Variants in PKIB observed in about 807,000 individuals in gnomAD.
The protein encoded by PKIB is cAMP-dependent protein kinase inhibitor beta.
A neutral mutation model predicts 4.5 loss-of-function variants in PKIB; 2 were observed. The ratio of observed to expected loss-of-function variants is 0.44; its 90% CI spans 0.18 to 1.39. The LOEUF (loss-of-function observed/expected upper bound fraction) is 1.39. Among genes scored for constraint, PKIB ranks in the 40% most tolerant of loss-of-function variants. PKIB has a pLI of 0.27. For synonymous variants in PKIB, 38 were observed against 36.0 expected (o/e 1.06, Z -0.20); for missense variants, 94 against 92.6 (o/e 1.02, Z -0.06).
intron 2 of PKIB, among the ~76,000 whole-genome samples, chr6:122,544,384 T>TAA (rs11393404): frequency 7.3e-5 from 11 of 151,042 alleles, no homozygotes; most frequent in Non-Finnish European, 7.4e-5. Context: ...TTTTAAAAAT[T>TAA]AAAAAAAAAT....
At chr6:122,578,724 A>G (rs1773620270) in intron 2 of PKIB, among the ~76,000 whole-genome samples, 2 of 152,130 alleles carry the variant, frequency 1.3e-5, no homozygotes, top group Admixed American at 6.5e-5. Flanking sequence ...TCACTTCCTG[A>G]TATGGCTTGG....
intron 2 of PKIB, among the ~76,000 whole-genome samples, chr6:122,573,560 A>G (rs922202777): frequency 6.6e-6 from 1 of 151,904 alleles, no homozygotes; most frequent in Non-Finnish European, 1.5e-5. Flanking sequence ...AAAAAGAAGA[A>G]AAAAGAGATA....
In PKIB at chr6:122,480,452, A is replaced by G. The variant is rs536567469; in HGVS notation, c.-248+2513A>G. 3.3e-5 allele frequency: 5 copies of G among 152,344 alleles called. No individual in the cohort carries two copies. In the South Asian group the frequency reaches 1.0e-3, roughly 32 times the overall value. The allele number at this position is 152,344 out of a possible 1,614,324, so 9.4% of individuals were successfully genotyped here. Reference sequence around the variant, plus strand: ...TTATGCATGTTTGAGTAATCGATGCATACATATGTAATATTTTAATGTTAG... The same window carrying G: ...TTATGCATGTTTGAGTAATCGATGCGTACATATGTAATATTTTAATGTTAG... On this transcript the variant is annotated intron_variant, in intron 2 of 6. Coordinates refer to the PKIB transcript ENST00000392491.
chr6:122,662,031 T>C (rs1238804395), intron 2 of PKIB, among the ~76,000 whole-genome samples: 4 of 152,182 alleles, frequency 2.6e-5, no homozygotes, highest in African/African-American at 9.7e-5. Context: ...ACTGGCCATA[T>C]TCTAAATTGG....
intron 2 of PKIB, among the ~76,000 whole-genome samples, chr6:122,575,600 AAAT>A (rs1773504556): frequency 6.6e-6 from 1 of 152,234 alleles, no homozygotes; most frequent in African/African-American, 2.4e-5. Flanking sequence ...AAAAGGAATG[AAAT>A]AATGACTTTT....
intron 2 of PKIB, among the ~76,000 whole-genome samples, chr6:122,662,589 G>A (rs2114918688): frequency 6.6e-6 from 1 of 151,754 alleles, no homozygotes; most frequent in South Asian, 2.1e-4. Flanking sequence ...CAAAGTGCTG[G>A]GATTACAGGC....
intron 2 of PKIB, among the ~76,000 whole-genome samples, chr6:122,655,617 G>A (rs1305961774): frequency 6.6e-6 from 1 of 152,078 alleles, no homozygotes; most frequent in African/African-American, 2.4e-5. Flanking sequence ...TAGCAGCCCA[G>A]ACAGATGAAG....
chr6:122,495,127 C>T (rs1253595706), intron 2 of PKIB, among the ~76,000 whole-genome samples: 1 of 152,082 alleles, frequency 6.6e-6, no homozygotes, highest in Admixed American at 6.5e-5. Flanking sequence ...GCCCCCAATC[C>T]AAACATTTTG....
intron 4 of PKIB, among the ~76,000 whole-genome samples, chr6:122,718,434 A>C (rs890515927): frequency 5.3e-5 from 8 of 152,206 alleles, no homozygotes; most frequent in Non-Finnish European, 1.0e-4. Context: ...GATTCTTTCA[A>C]CAGAATTTTT....
At chr6:122,571,138 T>C (rs1254798239) in intron 2 of PKIB, among the ~76,000 whole-genome samples, 2 of 151,858 alleles carry the variant, frequency 1.3e-5, no homozygotes, top group Non-Finnish European at 2.9e-5. Context: ...CAAGAACACG[T>C]AGAATAAATA....
At chr6:122,641,456 C>A (rs1776118066) in intron 2 of PKIB, among the ~76,000 whole-genome samples, 2 of 152,020 alleles carry the variant, frequency 1.3e-5, no homozygotes, top group South Asian at 4.2e-4. Context: ...TTGAAAATGG[C>A]AAAAGCTAAA....
At chr6:122,492,690 T>C in intron 2 of PKIB, among the ~76,000 whole-genome samples, 1 of 152,196 alleles carries the variant, frequency 6.6e-6, no homozygotes, top group Non-Finnish European at 1.5e-5. Flanking sequence ...TTTTATATTT[T>C]TCTGTAAAGT....
intron 1 of PKIB, 41 bp downstream of exon 1, chr6:122,610,576 A>G (rs1032575896): frequency 5.2e-5 from 8 of 152,384 alleles, no homozygotes; most frequent in South Asian, 2.1e-4. Context: ...GGGTGTCCCT[A>G]TGCGAGGAGG....
intron 3 of PKIB, 153 bp from the exon 4 acceptor site, chr6:122,717,634 A>G: frequency 5.3e-6 from 4 of 748,110 alleles, no homozygotes; most frequent in Non-Finnish European, 8.8e-6. Context: ...TGGATGCTGC[A>G]GGACCGTAAC....
intron 2 of PKIB, among the ~76,000 whole-genome samples, chr6:122,502,393 G>A (rs1776268829): frequency 6.6e-6 from 1 of 151,812 alleles, no homozygotes; most frequent in South Asian, 2.1e-4. Flanking sequence ...GGAGAAAAGG[G>A]GTTTAATTGA....
intron 2 of PKIB, among the ~76,000 whole-genome samples, chr6:122,637,713 G>A (rs1250750493): frequency 1.3e-5 from 2 of 150,560 alleles, no homozygotes; most frequent in Non-Finnish European, 2.9e-5. Context: ...CAGAGATCAC[G>A]TCACTGCATC....
At chr6:122,638,990 C>G (rs1253650803) in intron 2 of PKIB, among the ~76,000 whole-genome samples, 1 of 152,174 alleles carries the variant, frequency 6.6e-6, no homozygotes, top group African/African-American at 2.4e-5. Flanking sequence ...TAAATCTACA[C>G]TTAGTACATA....
At chr6:122,686,855 TTTAA>T (rs1380735837) in intron 3 of PKIB, among the ~76,000 whole-genome samples, 2 of 152,264 alleles carry the variant, frequency 1.3e-5, no homozygotes, top group Non-Finnish European at 2.9e-5. Context: ...CCTTATATAT[TTTAA>T]TTATTAATCT....
chr6:122,703,781 C>CAT (rs998559921), intron 3 of PKIB, among the ~76,000 whole-genome samples: 2 of 149,996 alleles, frequency 1.3e-5, no homozygotes, highest in African/African-American at 4.9e-5. Context: ...CATACACACA[C>CAT]ATATATATAC....
Sources: allele counts gnomAD v4.1 joint callset (sites outside exome capture counted in the v4.1 genomes callset), GRCh38; gene constraint gnomAD v4.1.1; transcripts MANE v1.5; gene names NCBI Gene and HGNC (gene_info 2026-07-23, HGNC 2026-07-21).